The following PDE4D variants were observed in gnomAD, a reference collection of about 807,000 sequenced individuals.
PDE4D encodes the protein phosphodiesterase 4D.
Under a neutral mutation model 87.4 loss-of-function variants are expected in PDE4D, and 24 were observed. That is an observed-to-expected ratio of 0.27 (90% CI 0.20 to 0.39). PDE4D has a LOEUF of 0.39. Ranked by LOEUF, PDE4D falls within the 10% of genes least tolerant of loss-of-function variation. The pLI is 1.00. For synonymous variants in PDE4D, 384 were observed against 383.2 expected (o/e 1.00, Z -0.02); for missense variants, 714 against 1,041.0 (o/e 0.69, Z 4.32).
At chr5:59,536,453 C>T (rs1031623958) in intron 1 of PDE4D, among the ~76,000 whole-genome samples, 34 of 133,432 alleles carry the variant, frequency 2.5e-4, no homozygotes, top group African/African-American at 9.0e-4. Context: ...TGCAGTGAGC[C>T]GAGATCATGC....
At chr5:59,949,214 G>A (rs1758021680) in intron 3 of PDE4D, among the ~76,000 whole-genome samples, 1 of 152,144 alleles carries the variant, frequency 6.6e-6, no homozygotes, top group Non-Finnish European at 1.5e-5. Flanking sequence ...GGTGGATCAC[G>A]AGGTCAGGAA....
At chr5:59,483,457 A>C (rs987381714) in intron 1 of PDE4D, among the ~76,000 whole-genome samples, 17 of 152,158 alleles carry the variant, frequency 1.1e-4, no homozygotes, top group Non-Finnish European at 2.2e-4. Flanking sequence ...AATCCTCTAC[A>C]GTTCCAAGGA....
chr5:60,231,909 A>G (rs1442971232), intron 1 of PDE4D, among the ~76,000 whole-genome samples: 2 of 151,966 alleles, frequency 1.3e-5, no homozygotes, highest in Non-Finnish European at 2.9e-5. Flanking sequence ...GCCAAAAATG[A>G]GTTAAACAGA....
chr5:60,141,619 C>T (rs1780543751), intron 2 of PDE4D, among the ~76,000 whole-genome samples: 1 of 152,110 alleles, frequency 6.6e-6, no homozygotes, highest in Non-Finnish European at 1.5e-5. Flanking sequence ...TCTGGACGTG[C>T]TTCACCTGAT....
intron 2 of PDE4D, among the ~76,000 whole-genome samples, chr5:60,080,002 C>T (rs1459114376): frequency 6.6e-6 from 1 of 152,184 alleles, no homozygotes; most frequent in African/African-American, 2.4e-5. Flanking sequence ...TTCTTCCTAT[C>T]CATGAGGATG....
At chr5:59,965,642 C>T (rs1254549249) in intron 3 of PDE4D, among the ~76,000 whole-genome samples, 1 of 152,086 alleles carries the variant, frequency 6.6e-6, no homozygotes, top group Non-Finnish European at 1.5e-5. Flanking sequence ...TCTCCTTGGC[C>T]CCCTCCCTGC....
chr5:59,224,148 A>C (rs1313458146), intron 1 of PDE4D, among the ~76,000 whole-genome samples: 1 of 149,654 alleles, frequency 6.7e-6, no homozygotes, highest in Non-Finnish European at 1.5e-5. Context: ...AAAAAAAAAA[A>C]GTCAGGCACG....
intron 5 of PDE4D, among the ~76,000 whole-genome samples, chr5:59,151,961 G>T (rs1355009883): frequency 1.3e-5 from 2 of 152,050 alleles, no homozygotes; most frequent in Non-Finnish European, 2.9e-5. Flanking sequence ...AAAGGCAAGA[G>T]AATAGAGTAG....
chr5:59,571,080 T>A (rs1209063063), intron 1 of PDE4D, among the ~76,000 whole-genome samples: 1 of 152,146 alleles, frequency 6.6e-6, no homozygotes, highest in East Asian at 1.9e-4. Context: ...AATTTGCTCC[T>A]CCCTGATGTA....
chr5:58,978,734 A>C (rs1398776106), intron 11 of PDE4D, among the ~76,000 whole-genome samples: 1 of 152,140 alleles, frequency 6.6e-6, no homozygotes, highest in Admixed American at 6.6e-5. Context: ...AGGTTTGTAC[A>C]GTATTTTTTT....
chr5:59,487,002 G>A (rs1805265093), intron 1 of PDE4D, among the ~76,000 whole-genome samples: 1 of 152,114 alleles, frequency 6.6e-6, no homozygotes, highest in Non-Finnish European at 1.5e-5. Flanking sequence ...TTAGTTTCCA[G>A]CCTAAGAGTT....
chr5:59,771,551 A>AAAGAAAGAAAGAAG (rs1763586542), intron 1 of PDE4D, among the ~76,000 whole-genome samples: 1 of 122,220 alleles, frequency 8.2e-6, no homozygotes, highest in African/African-American at 4.1e-5. Flanking sequence ...AGAAAGAAAG[A>AAAGAAAGAAAGAAG]AAAGAAAGAA....
chr5:59,622,408 T>C (rs770769115), intron 1 of PDE4D, among the ~76,000 whole-genome samples: 1 of 152,206 alleles, frequency 6.6e-6, no homozygotes, highest in Non-Finnish European at 1.5e-5. Flanking sequence ...ACAACTTCAG[T>C]TCCATCTGAT....
chr5:59,754,311 C>T (rs1025222721), intron 1 of PDE4D, among the ~76,000 whole-genome samples: 1 of 152,194 alleles, frequency 6.6e-6, no homozygotes, highest in South Asian at 2.1e-4. Context: ...GCCTGGGCAA[C>T]AGAGTGAGAC....
intron 5 of PDE4D, among the ~76,000 whole-genome samples, chr5:59,125,007 A>T (rs1054741926): frequency 6.6e-6 from 1 of 151,764 alleles, no homozygotes; most frequent in African/African-American, 2.4e-5. Flanking sequence ...AATTAATTCC[A>T]AAAGACTTAT....
rs577441008 is a variant in PDE4D, at chr5:59,626,500, G to A, written c.455+266668C>T. Among the ~76,000 whole-genome samples, 7 of 152,202 alleles carry A rather than the reference G, an allele frequency of 4.6e-5. No individual in the cohort carries two copies. The South Asian group carries it at 8.3e-4, about 18-fold the overall frequency. Reference sequence around the variant, plus strand: ...ATGAGTGACTTAATTTCTTAATTTGGAAATTCTATTATGTAATTTTAGTTA... The same window carrying A: ...ATGAGTGACTTAATTTCTTAATTTGAAAATTCTATTATGTAATTTTAGTTA... On this transcript the variant is annotated intron_variant, in intron 1 of 14. Coordinates refer to ENST00000340635, the MANE Select transcript of PDE4D (RefSeq NM_001104631.2).
chr5:59,829,818 A>G (rs1393773109), intron 1 of PDE4D, among the ~76,000 whole-genome samples: 2 of 152,048 alleles, frequency 1.3e-5, no homozygotes, highest in Non-Finnish European at 2.9e-5. Flanking sequence ...CTTAAAAAGC[A>G]GTAGGGCGAG....
chr5:59,777,226 G>C (rs1344551138), intron 1 of PDE4D, among the ~76,000 whole-genome samples: 1 of 152,178 alleles, frequency 6.6e-6, no homozygotes, highest in Non-Finnish European at 1.5e-5. Context: ...GCCTCCATTA[G>C]AATCAGGTTA....
intron 3 of PDE4D, among the ~76,000 whole-genome samples, chr5:59,903,837 T>G (rs568422351): frequency 6.6e-6 from 1 of 152,242 alleles, no homozygotes; most frequent in African/African-American, 2.4e-5. Context: ...CAATACCTAG[T>G]TCTCTGCAAG....
Sources: allele counts gnomAD v4.1 joint callset (sites outside exome capture counted in the v4.1 genomes callset), GRCh38; gene constraint gnomAD v4.1.1; transcripts MANE v1.5; gene names NCBI Gene and HGNC (gene_info 2026-07-23, HGNC 2026-07-21).